The following PRP4K variants were observed in gnomAD, a reference collection of about 807,000 sequenced individuals.
PRP4K encodes pre-mRNA processing factor kinase PRP4K.
chr6:4,023,950 T>G, the PRP4K span, among the ~76,000 whole-genome samples: 12 of 151,476 alleles, frequency 7.9e-5, no homozygotes, highest in Admixed American at 2.0e-4. Context: ...CACTGAAACC[T>G]TGGACTCCCT....
the PRP4K span, among the ~76,000 whole-genome samples, chr6:4,057,902 C>A: frequency 4.6e-5 from 7 of 152,050 alleles, no homozygotes; most frequent in Non-Finnish European, 2.9e-5. Context: ...GCATGAGCCA[C>A]CGCACCCGGC....
the PRP4K span, among the ~76,000 whole-genome samples, chr6:4,035,261 G>GCA: frequency 7.1e-6 from 1 of 141,364 alleles, no homozygotes; most frequent in Admixed American, 7.3e-5. Context: ...GGGACTACAG[G>GCA]TGTGCGCCAC....
chr6:4,047,775 C>T, the PRP4K span, among the ~76,000 whole-genome samples: 1 of 151,948 alleles, frequency 6.6e-6, no homozygotes, highest in Non-Finnish European at 1.5e-5. Flanking sequence ...CGTGGTCAAA[C>T]TTGGGGACAT....
the PRP4K span, among the ~76,000 whole-genome samples, chr6:4,041,204 C>T: frequency 6.6e-6 from 1 of 152,096 alleles, no homozygotes; most frequent in Non-Finnish European, 1.5e-5. Context: ...ACAATACATA[C>T]ATTAGTCCTG....
the PRP4K span, among the ~76,000 whole-genome samples, chr6:4,058,307 A>G: frequency 3.2e-4 from 49 of 152,344 alleles, no homozygotes; most frequent in African/African-American, 1.1e-3. Flanking sequence ...CTATGTTGGT[A>G]TTAGTTTTAA....
the PRP4K span, among the ~76,000 whole-genome samples, chr6:4,058,144 G>A: frequency 6.6e-6 from 1 of 152,112 alleles, no homozygotes; most frequent in African/African-American, 2.4e-5. Flanking sequence ...CAATGTAGCT[G>A]GGACTACAGG....
the PRP4K span, among the ~76,000 whole-genome samples, chr6:4,052,360 CAG>C: frequency 2.0e-5 from 3 of 152,168 alleles, no homozygotes; most frequent in East Asian, 1.9e-4. Context: ...CCGGGTTCAA[CAG>C]AGAGTCTCTC....
chr6:4,059,554 CACTT>C, the PRP4K span, among the ~76,000 whole-genome samples: 1 of 152,204 alleles, frequency 6.6e-6, no homozygotes, highest in East Asian at 1.9e-4. Flanking sequence ...ACATGTCTGT[CACTT>C]ACCACTTCAA....
the PRP4K span, among the ~76,000 whole-genome samples, chr6:4,029,144 G>T: frequency 1.3e-5 from 2 of 150,172 alleles, no homozygotes; most frequent in East Asian, 3.9e-4. Context: ...TCAGCCTCCT[G>T]AGTAGCTGGG....
At chr6:4,047,382 ACT>A in the PRP4K span, 3,404 of 783,206 alleles carry the variant, frequency 4.3e-3, 73 homozygotes, top group African/African-American at 0.049. Context: ...GAATCTGAAA[ACT>A]CTACTAGTTT....
chr6:4,048,314 G>A, the PRP4K span, among the ~76,000 whole-genome samples: 2 of 149,688 alleles, frequency 1.3e-5, no homozygotes, highest in Admixed American at 6.7e-5. Flanking sequence ...GAGAGGCGGA[G>A]CTTGCAGTGA....
chr6:4,052,947 CTA>C, the PRP4K span: 1 of 1,330,494 alleles, frequency 7.5e-7, no homozygotes, highest in Non-Finnish European at 1.0e-6. Flanking sequence ...AATATTATTA[CTA>C]TGAGAAACGA....
the PRP4K span, among the ~76,000 whole-genome samples, chr6:4,033,319 TCTTAAG>T: frequency 2.0e-5 from 3 of 152,182 alleles, no homozygotes; most frequent in Non-Finnish European, 4.4e-5. Context: ...AAGTAGTATC[TCTTAAG>T]CTTAAGAAGA....
the PRP4K span, among the ~76,000 whole-genome samples, chr6:4,048,378 C>CA: frequency 0.099 from 9,780 of 98,748 alleles, 478 homozygotes; most frequent in Middle Eastern, 0.22. Flanking sequence ...GACTCCGTCT[C>CA]AAAAAAAAAA....
the PRP4K span, among the ~76,000 whole-genome samples, chr6:4,035,969 AAAT>A: frequency 3.3e-5 from 5 of 152,152 alleles, no homozygotes; most frequent in Admixed American, 2.0e-4. Flanking sequence ...CCATCTCAAA[AAAT>A]AATAATAATA....
At chr6:4,032,304 G>A in the PRP4K span, 1 of 1,613,548 alleles carries the variant, frequency 6.2e-7, no homozygotes, top group Non-Finnish European at 8.5e-7. Flanking sequence ...TGATGATAAG[G>A]TTAAAATTGA....
the PRP4K span, chr6:4,047,277 C>CA: frequency 3.3e-4 from 494 of 1,489,836 alleles, 1 homozygote; most frequent in Middle Eastern, 5.5e-4. Flanking sequence ...AGTGTTAAAA[C>CA]AAAAAAAAAT....
chr6:4,060,282 G>A, the PRP4K span: 2 of 791,818 alleles, frequency 2.5e-6, no homozygotes, highest in African/African-American at 3.5e-5. This position sits in a 1 kb window ranked among gnomAD's most constrained non-coding sequence, Gnocchi z 4.7. Context: ...CCCAAAATGT[G>A]CACTGTGTGT....
At chr6:4,057,914 G>A in the PRP4K span, among the ~76,000 whole-genome samples, 18 of 152,034 alleles carry the variant, frequency 1.2e-4, no homozygotes, top group Non-Finnish European at 7.4e-5. Context: ...GCACCCGGCT[G>A]TAACTTAGCT....
Sources: gnomAD v4.1 joint callset for allele counts (sites outside exome capture counted in the v4.1 genomes callset) on GRCh38, gnomAD v4.1.1 for gene constraint, Gnocchi (gnomAD v3.1) non-coding constraint, MANE v1.5 for transcripts, NCBI Gene and HGNC (gene_info 2026-07-23, HGNC 2026-07-21) for gene names.